KIF3C: variants seen among roughly 807,000 people sequenced by gnomAD.
KIF3C encodes kinesin-like protein KIF3C.
Under a neutral mutation model 67.7 loss-of-function variants are expected in KIF3C, and 12 were observed. That is an observed-to-expected ratio of 0.18 (90% confidence interval 0.11 to 0.29). The LOEUF (loss-of-function observed/expected upper bound fraction) is 0.29, where lower values mean the gene tolerates loss of function less well. Among genes scored for constraint, KIF3C ranks in the 10% least tolerant of loss-of-function variants. The pLI is 1.00. For missense variants in KIF3C, 789 were observed against 1,059.6 expected, an observed-to-expected ratio of 0.74 and a Z score of 3.55; for synonymous variants, 393 against 426.2, an observed-to-expected ratio of 0.92 and a Z score of 0.96.
In KIF3C at chr2:25,929,949, T is replaced by G. The variant is rs779348495; in HGVS notation, c.2115+6A>C. 1.9e-6 allele frequency: 3 copies of G among 1,602,930 alleles called. No individual in the cohort carries two copies. Among genetic ancestry groups the G allele is most frequent in the Admixed American group, 3.3e-5 (2 of 60,002 alleles). ...GTAGGCTCTTTCTCCCCTCTCCGCT[T>G]CTTACCCTGTACCTGGGGTGGGACC... is the stretch of plus-strand genomic sequence containing the variant. On this transcript the variant is annotated splice_donor_region_variant and intron_variant, in intron 6 of 7. Coordinates refer to ENST00000264712, the MANE Select transcript of KIF3C (RefSeq NM_002254.8).
At chr2:25,976,669 G>A (rs1174028173) in intron 1 of KIF3C, among the ~76,000 whole-genome samples, 1 of 152,162 alleles carries the variant, frequency 6.6e-6, no homozygotes, top group African/African-American at 2.4e-5. Flanking sequence ...GATGAGGCAG[G>A]AGAATCCCTT....
chr2:25,944,562 G>C (rs1010694790), intron 5 of KIF3C, among the ~76,000 whole-genome samples: 1 of 151,826 alleles, frequency 6.6e-6, no homozygotes, highest in Non-Finnish European at 1.5e-5. Context: ...TGTTGCCCAG[G>C]CTGGTTTCAA....
At chr2:25,979,615 C>G (rs1417748446) in intron 1 of KIF3C, among the ~76,000 whole-genome samples, 1 of 152,134 alleles carries the variant, frequency 6.6e-6, no homozygotes, top group Non-Finnish European at 1.5e-5. Context: ...TTTTTCCACC[C>G]TACCTCCTGC....
In KIF3C at chr2:25,929,969, G is replaced by A. The variant is rs1448002791; in HGVS notation, c.2101C>T (p.His701Tyr). 8 of 1,609,852 alleles carry A rather than the reference G, an allele frequency of 5.0e-6. No individual in the cohort carries two copies. The highest frequency in any genetic ancestry group is 6.8e-6 in the Non-Finnish European group (8 of 1,176,186). ...CCGCTTCTTACCCTGTACCTGGGGT[G>A]GGACCCCATTGCCATGGCAACCCGA... is the stretch of plus-strand genomic sequence containing the variant. ...YARVAMAMGS[H>Y]PRYRAENIMF... The change falls in exon 6 of 8, where the codon CAC (histidine) becomes TAC (tyrosine). Residue 701 changes from histidine to tyrosine, a missense_variant. Physicochemically the swap from His to Tyr is moderately conservative, Grantham distance 83. Around this residue, in one of 2 missense-constraint regions of KIF3C, gnomAD observed 648 missense variants for 807.8 expected, o/e 0.80. Coordinates refer to ENST00000264712, the MANE Select transcript of KIF3C (RefSeq NM_002254.8).
intron 1 of KIF3C, among the ~76,000 whole-genome samples, chr2:25,968,901 G>A (rs1664209818): frequency 6.6e-6 from 1 of 151,512 alleles, no homozygotes; most frequent in South Asian, 2.1e-4. Context: ...TCGGCTCACC[G>A]CAACATCCGC....
intron 4 of KIF3C, among the ~76,000 whole-genome samples, chr2:25,953,506 G>A (rs140103768): frequency 0.086 from 12,789 of 148,686 alleles, 645 homozygotes; most frequent in African/African-American, 0.12. Context: ...GACTACAGGC[G>A]CCCGCCACCA....
chr2:25,971,793 G>C (rs748640321), intron 1 of KIF3C, among the ~76,000 whole-genome samples: 5 of 149,094 alleles, frequency 3.4e-5, no homozygotes, highest in Non-Finnish European at 7.4e-5. Context: ...CTGAAACCTC[G>C]AACTCCTAGG....
At chr2:25,951,473 C>G (rs1436692944) in intron 5 of KIF3C, 2 of 294,962 alleles carry the variant, frequency 6.8e-6, no homozygotes, top group East Asian at 1.6e-4. Context: ...GAATATTCAC[C>G]AGACCTGGCC....
chr2:25,971,906 T>TTTTTTTTTAC (rs1664295605), intron 1 of KIF3C, among the ~76,000 whole-genome samples: 1 of 149,072 alleles, frequency 6.7e-6, no homozygotes, highest in African/African-American at 2.5e-5. Context: ...TTTTACTTTT[T>TTTTTTTTTAC]TGTAGAGATG....
At chr2:25,938,348 T>C in intron 5 of KIF3C, 1 of 387,938 alleles carries the variant, frequency 2.6e-6, no homozygotes, top group East Asian at 7.4e-5. Flanking sequence ...ACAGAGTGAG[T>C]CTGAGTCTCA....
intron 5 of KIF3C, among the ~76,000 whole-genome samples, chr2:25,941,242 T>C (rs532857670): frequency 1.3e-5 from 2 of 152,176 alleles, no homozygotes; most frequent in Admixed American, 1.3e-4. Context: ...AGGTCAAGGC[T>C]GTAGTGAGCC....
chr2:25,938,063 A>C (rs185258556), intron 5 of KIF3C, among the ~76,000 whole-genome samples: 15 of 151,080 alleles, frequency 9.9e-5, no homozygotes, highest in African/African-American at 3.6e-4. Flanking sequence ...CAAAAAAAAA[A>C]AATTATTATT....
Position 25,955,676 on chromosome 2 carries a change from C to A in KIF3C, c.1648-13G>T, listed in dbSNP as rs6759471. The A allele has an allele frequency of 1.3e-3, 2,091 of 1,613,820 alleles. 26 individuals carry two copies. In the African/African-American group the frequency reaches 0.025, roughly 19 times the overall value. ...GCTCACGACGTTTCTAGGCCAAGGA[C>A]GGGCAGTGTGGCTCAAAGGAGCAGT... On this transcript the variant is annotated splice_polypyrimidine_tract_variant and intron_variant, in intron 2 of 7. Transcript: ENST00000264712. The surrounding 1 kb of genome is among the most constrained non-coding windows in gnomAD (Gnocchi z 5.0).
chr2:25,954,103 A>G (rs113601998), intron 4 of KIF3C, 164 bp downstream of exon 4: 5 of 664,222 alleles, frequency 7.5e-6, no homozygotes, highest in Non-Finnish European at 1.4e-5. Context: ...GAGGAGGTAG[A>G]AGAAACTCCA....
chr2:25,964,400 CT>C (rs113342708), intron 1 of KIF3C, among the ~76,000 whole-genome samples: 15,716 of 152,190 alleles, frequency 0.1, 926 homozygotes, highest in African/African-American at 0.15. Flanking sequence ...TTAAGGTGGT[CT>C]TTGTGGAGGC....
At position 25,927,366 on chromosome 2, in the gene KIF3C, C is replaced by T. The variant is rs554892263; in HGVS notation, c.*1612G>A. ...CGAACCTCTGATCTGAATCCTGAGTCTCAAATAATCTCTTGGGCTCTGATG... is the reference window on the plus strand; with the variant it reads ...CGAACCTCTGATCTGAATCCTGAGTTTCAAATAATCTCTTGGGCTCTGATG... On this transcript the variant is annotated 3_prime_UTR_variant, in exon 8 of 8. Coordinates refer to ENST00000264712, the MANE Select transcript of KIF3C (RefSeq NM_002254.8). 6.5e-6 allele frequency: 1 copy of T among 152,672 alleles called. No individual in the cohort carries two copies. The highest frequency in any genetic ancestry group is 2.1e-4 in the South Asian group (1 of 4,832). The allele number at this position is 152,672 out of a possible 1,614,324, so 9.5% of individuals were successfully genotyped here.
At chr2:25,974,530 C>A (rs1664362286) in intron 1 of KIF3C, among the ~76,000 whole-genome samples, 1 of 152,104 alleles carries the variant, frequency 6.6e-6, no homozygotes, top group African/African-American at 2.4e-5. Context: ...AGCACTGTAA[C>A]AAAGATACTA....
In KIF3C at chr2:25,956,379, C is replaced by T; in HGVS notation, c.1611G>A (p.Lys537=). ...NIMDHTNEQQ[K]MLELKRQEIA... Reference sequence around the variant, plus strand: ...TCTCCTGCCTCTTCAGTTCCAACATCTTCTGCTGTTCGTTGGTGTGATCCA... The same window carrying T: ...TCTCCTGCCTCTTCAGTTCCAACATTTTCTGCTGTTCGTTGGTGTGATCCA... The change falls in exon 2 of 8, where the codon AAG becomes AAA. Residue 537 remains lysine (K), a synonymous_variant. Transcript: ENST00000264712. 6.2e-7 allele frequency: 1 copy of T among 1,614,212 alleles called. No homozygotes were observed. The highest frequency in any genetic ancestry group is 8.5e-7 in the Non-Finnish European group (1 of 1,180,044).
Position 25,955,530 on chromosome 2 carries a change from C to T in KIF3C, c.1770+11G>A, listed in dbSNP as rs747137939. 2.0e-5 allele frequency: 32 copies of T among 1,613,762 alleles called. No individual in the cohort carries two copies. The highest frequency in any genetic ancestry group is 5.0e-5 in the Admixed American group (3 of 59,984). ...CAGCACACCTTAACCGGTCCTGCTG[C>T]AGCGTCTCACCTTCTTGAGTTTCTT... On this transcript the variant is annotated intron_variant, in intron 3 of 7. Transcript: ENST00000264712. The surrounding 1 kb of genome is among the most constrained non-coding windows in gnomAD (Gnocchi z 5.0).
Sources: gnomAD v4.1 joint callset for allele counts (sites outside exome capture counted in the v4.1 genomes callset) on GRCh38, gnomAD v4.1.1 for gene constraint, gnomAD v4.1.1 regional missense constraint, Gnocchi (gnomAD v3.1) non-coding constraint, MANE v1.5 for transcripts, NCBI Gene and HGNC (gene_info 2026-07-23, HGNC 2026-07-21) for gene names.